RIMS2: variants seen among roughly 807,000 people sequenced by gnomAD.
The protein encoded by RIMS2 is regulating synaptic membrane exocytosis 2.
A neutral mutation model predicts 174.4 loss-of-function variants in RIMS2; 59 were observed. The observed-to-expected ratio is 0.34, with a 90% CI of 0.27 to 0.42. The LOEUF (loss-of-function observed/expected upper bound fraction) is 0.42, where lower values mean the gene tolerates loss of function less well. RIMS2 is among the 10% of genes least tolerant of loss of function. RIMS2 has a pLI of 1.00. For synonymous variants in RIMS2, 606 were observed against 572.5 expected (o/e 1.06, Z -0.84); for missense variants, 1,620 against 1,666.3 (o/e 0.97, Z 0.48).
chr8:103,592,648 A>G (rs1367348274), intron 1 of RIMS2, among the ~76,000 whole-genome samples: 1 of 151,402 alleles, frequency 6.6e-6, no homozygotes, highest in African/African-American at 2.4e-5. Flanking sequence ...TATTTTCATA[A>G]TCATACTAAG....
At chr8:103,771,283 T>C (rs1398345340) in intron 3 of RIMS2, among the ~76,000 whole-genome samples, 1 of 152,200 alleles carries the variant, frequency 6.6e-6, no homozygotes, top group East Asian at 1.9e-4. Context: ...TGAAATACAT[T>C]GTAAAACTGG....
At chr8:103,599,345 G>T (rs1455690380) in intron 1 of RIMS2, among the ~76,000 whole-genome samples, 1 of 150,054 alleles carries the variant, frequency 6.7e-6, no homozygotes, top group Non-Finnish European at 1.5e-5. Context: ...GATGAAATCA[G>T]CATACGAATC....
chr8:103,551,079 T>G (rs550611922), intron 1 of RIMS2, among the ~76,000 whole-genome samples: 2 of 152,234 alleles, frequency 1.3e-5, no homozygotes, highest in Non-Finnish European at 2.9e-5. Context: ...GAAGAGGGAC[T>G]CCTCCCGAAC....
At chr8:103,978,770 C>T (rs1174949325) in intron 16 of RIMS2, among the ~76,000 whole-genome samples, 2 of 152,106 alleles carry the variant, frequency 1.3e-5, no homozygotes, top group Non-Finnish European at 2.9e-5. Context: ...ATATCCCTAA[C>T]AGAAATCAAT....
chr8:104,099,897 G>A (rs1296207739), intron 19 of RIMS2, among the ~76,000 whole-genome samples: 1 of 151,206 alleles, frequency 6.6e-6, no homozygotes, highest in Non-Finnish European at 1.5e-5. Context: ...GCTCACTGCA[G>A]CCTCTGTCTC....
chr8:103,726,139 T>C lies in RIMS2; in HGVS notation c.387+28843T>C, dbSNP rs573689375. Among the ~76,000 whole-genome samples, 10 of 152,320 alleles carry C rather than the reference T, an allele frequency of 6.6e-5. No individual in the cohort carries two copies. The East Asian group carries it at 1.9e-3, about 29-fold the overall frequency. On this transcript the variant is annotated intron_variant, in intron 2 of 23. Transcript: ENST00000504942. Reference sequence around the variant, plus strand: ...ACTTTACAATGGTGAGAAAGCAATATGCATTTATTATGCTCCTTGACTTAT... The same window carrying C: ...ACTTTACAATGGTGAGAAAGCAATACGCATTTATTATGCTCCTTGACTTAT...
chr8:103,907,319 T>C (rs1221668985), intron 4 of RIMS2, among the ~76,000 whole-genome samples: 1 of 152,260 alleles, frequency 6.6e-6, no homozygotes, highest in Non-Finnish European at 1.5e-5. Context: ...CTTCAGTTTC[T>C]TCAACCTGGT....
intron 17 of RIMS2, among the ~76,000 whole-genome samples, chr8:103,991,206 A>C (rs2094675310): frequency 6.6e-6 from 1 of 151,702 alleles, no homozygotes; most frequent in African/African-American, 2.4e-5. Context: ...TATTTTCTGA[A>C]GTTTTCAAGA....
chr8:103,985,864 G>A (rs972696503), intron 16 of RIMS2, among the ~76,000 whole-genome samples: 3 of 152,092 alleles, frequency 2.0e-5, no homozygotes, highest in African/African-American at 7.2e-5. Context: ...AATAAGCCAG[G>A]TATAGAAAAT....
intron 19 of RIMS2, among the ~76,000 whole-genome samples, chr8:104,212,441 T>C (rs960167088): frequency 1.3e-5 from 2 of 152,090 alleles, no homozygotes; most frequent in African/African-American, 4.8e-5. Flanking sequence ...AGATAATAAT[T>C]TCAGATTAAA....
chr8:103,895,997 T>C (rs1231480651), intron 4 of RIMS2, among the ~76,000 whole-genome samples: 1 of 151,668 alleles, frequency 6.6e-6, no homozygotes, highest in Non-Finnish European at 1.5e-5. Context: ...CAGCCAGTTC[T>C]CAACCCTTGG....
chr8:103,550,286 C>T (rs1057271997), intron 1 of RIMS2, among the ~76,000 whole-genome samples: 2 of 152,174 alleles, frequency 1.3e-5, no homozygotes, highest in Non-Finnish European at 2.9e-5. Flanking sequence ...CAAACTAGAA[C>T]TCAGGATTAA....
chr8:103,905,591 T>C (rs1028255051), intron 4 of RIMS2, among the ~76,000 whole-genome samples: 3 of 152,032 alleles, frequency 2.0e-5, no homozygotes, highest in Non-Finnish European at 2.9e-5. Context: ...GGGTTTTACA[T>C]AGTTTTTCAA....
At chr8:104,159,606 A>G (rs2098748244) in intron 19 of RIMS2, among the ~76,000 whole-genome samples, 1 of 152,076 alleles carries the variant, frequency 6.6e-6, no homozygotes, top group Admixed American at 6.6e-5. Context: ...GTGGTTTCTG[A>G]TAATAGCCAT....
chr8:103,746,266 T>C (rs1298331626), intron 2 of RIMS2, among the ~76,000 whole-genome samples: 1 of 151,696 alleles, frequency 6.6e-6, no homozygotes, highest in African/African-American at 2.4e-5. Flanking sequence ...TGTATGGGTT[T>C]ATTTCTGAAC....
intron 3 of RIMS2, among the ~76,000 whole-genome samples, chr8:103,865,241 TTGA>T: frequency 6.6e-6 from 1 of 151,408 alleles, no homozygotes; most frequent in Non-Finnish European, 1.5e-5. Flanking sequence ...AATGAGAAAT[TTGA>T]GTTTCTCTGT....
At chr8:104,088,230 A>T (rs116559691) in intron 19 of RIMS2, among the ~76,000 whole-genome samples, 180 of 152,226 alleles carry the variant, frequency 1.2e-3, no homozygotes, top group African/African-American at 3.9e-3. Context: ...AGTACCTGCA[A>T]TTGTGTTACT....
At chr8:104,031,810 C>T (rs1373816600) in intron 19 of RIMS2, among the ~76,000 whole-genome samples, 2 of 152,112 alleles carry the variant, frequency 1.3e-5, no homozygotes. Context: ...CATGAGACTA[C>T]AAGCATTGCA....
rs536300762 is a variant in RIMS2 at position 103,853,462 on chromosome 8, G to T, written c.699-31836G>T. Reference sequence around the variant, plus strand: ...ATTTAGCCAAAAATTCTTTGCTAAGGCTGAGTTGACAAGGGTATTTTCTAA... The same window carrying T: ...ATTTAGCCAAAAATTCTTTGCTAAGTCTGAGTTGACAAGGGTATTTTCTAA... On this transcript the variant is annotated intron_variant, in intron 3 of 23. Transcript: ENST00000504942. Among the ~76,000 whole-genome samples, 6 of 152,026 alleles carry T rather than the reference G, an allele frequency of 3.9e-5. No individual in the cohort carries two copies. In the South Asian group the frequency reaches 1.0e-3, roughly 26 times the overall value.
Sources: gnomAD v4.1 joint callset for allele counts (sites outside exome capture counted in the v4.1 genomes callset) on GRCh38, gnomAD v4.1.1 for gene constraint, MANE v1.5 for transcripts, NCBI Gene and HGNC (gene_info 2026-07-23, HGNC 2026-07-21) for gene names.